NREP: variants seen among roughly 807,000 people sequenced by gnomAD.
NREP encodes neuronal regeneration-related protein.
In NREP, 5 loss-of-function variants were observed where a neutral mutation model predicts 8.6. That is an observed-to-expected ratio of 0.58 (90% CI 0.30 to 1.22). The LOEUF (loss-of-function observed/expected upper bound fraction) is 1.22, where lower values mean the gene tolerates loss of function less well. Among genes scored for constraint, NREP ranks in the 50% most tolerant of loss-of-function variants. The pLI, the probability that NREP is intolerant of heterozygous loss-of-function variation, is 0.07. For synonymous variants in NREP, 27 were observed against 28.0 expected (o/e 0.96, Z 0.11); for missense variants, 86 against 82.5 (o/e 1.04, Z -0.17).
At chr5:111,947,030 G>A (rs1434993090) in intron 2 of NREP, among the ~76,000 whole-genome samples, 2 of 151,936 alleles carry the variant, frequency 1.3e-5, no homozygotes, top group Non-Finnish European at 2.9e-5. Flanking sequence ...AACTCTCCTA[G>A]GACAATGGCT....
chr5:111,873,320 A>G (rs1327887257), intron 2 of NREP, among the ~76,000 whole-genome samples: 3 of 152,202 alleles, frequency 2.0e-5, no homozygotes, highest in Non-Finnish European at 4.4e-5. Flanking sequence ...AAACTTATGG[A>G]CTGAAAACCA....
intron 2 of NREP, among the ~76,000 whole-genome samples, chr5:111,873,105 T>C (rs1300348062): frequency 6.6e-6 from 1 of 152,200 alleles, no homozygotes; most frequent in African/African-American, 2.4e-5. Flanking sequence ...TCAATTGCTG[T>C]TGTGAAAATT....
intron 2 of NREP, among the ~76,000 whole-genome samples, chr5:111,850,313 T>G (rs1753277781): frequency 6.6e-6 from 1 of 152,162 alleles, no homozygotes; most frequent in Admixed American, 6.6e-5. Flanking sequence ...ACTTCCTGCT[T>G]TGGACTCATG....
intron 2 of NREP, among the ~76,000 whole-genome samples, chr5:111,958,277 CATAA>C (rs1339963709): frequency 2.0e-5 from 3 of 151,524 alleles, no homozygotes; most frequent in Non-Finnish European, 3.0e-5. Flanking sequence ...TTCTAATTTA[CATAA>C]ATAAAGCTAA....
intron 2 of NREP, among the ~76,000 whole-genome samples, chr5:111,840,705 A>G (rs4596433): frequency 0.34 from 52,130 of 151,960 alleles, 9,485 homozygotes; most frequent in East Asian, 0.62. Flanking sequence ...ATAAACTGCT[A>G]CTATAAATAC....
intron 2 of NREP, among the ~76,000 whole-genome samples, chr5:111,742,611 T>G (rs1749752420): frequency 1.3e-5 from 2 of 151,940 alleles, no homozygotes; most frequent in Non-Finnish European, 2.9e-5. Flanking sequence ...CCACAAAAGG[T>G]TAACAGAATT....
At chr5:111,845,577 T>C (rs1753143107) in intron 2 of NREP, among the ~76,000 whole-genome samples, 1 of 152,196 alleles carries the variant, frequency 6.6e-6, no homozygotes, top group South Asian at 2.1e-4. Context: ...TATAAATCTT[T>C]TTTGAACAGT....
At chr5:111,735,274 T>C in intron 3 of NREP, 156 bp downstream of exon 3, 1 of 507,484 alleles carries the variant, frequency 2.0e-6, no homozygotes, top group East Asian at 3.1e-5. Context: ...AGGATATTTT[T>C]TAAAAGTACA....
chr5:111,948,353 A>C (rs577539823), intron 2 of NREP, among the ~76,000 whole-genome samples: 6 of 152,248 alleles, frequency 3.9e-5, no homozygotes, highest in African/African-American at 1.4e-4. Context: ...CACTGAAATG[A>C]ATTCCCACTA....
intron 2 of NREP, among the ~76,000 whole-genome samples, chr5:111,877,857 A>G (rs1383429350): frequency 6.6e-6 from 1 of 152,148 alleles, no homozygotes; most frequent in East Asian, 1.9e-4. Flanking sequence ...TTCCCCCCTC[A>G]CCAACTAGTG....
intron 2 of NREP, among the ~76,000 whole-genome samples, chr5:111,971,990 A>C (rs558970599): frequency 4.2e-4 from 64 of 152,326 alleles, no homozygotes; most frequent in African/African-American, 1.5e-3. Flanking sequence ...TGCAAACCAT[A>C]TATTTGATAA....
chr5:111,747,765 G>GT (rs777814135), intron 2 of NREP, among the ~76,000 whole-genome samples: 7 of 152,034 alleles, frequency 4.6e-5, no homozygotes, highest in Non-Finnish European at 1.0e-4. Context: ...TTGAATATAA[G>GT]TTATATTTAT....
chr5:111,957,604 G>T (rs1421631840), intron 2 of NREP, among the ~76,000 whole-genome samples: 2 of 150,088 alleles, frequency 1.3e-5, no homozygotes, highest in Non-Finnish European at 3.0e-5. Context: ...TAGAGTACAA[G>T]AAAAGGATTT....
intron 2 of NREP, among the ~76,000 whole-genome samples, chr5:111,873,604 G>A (rs1379777776): frequency 1.3e-5 from 2 of 152,086 alleles, no homozygotes; most frequent in Non-Finnish European, 1.5e-5. Flanking sequence ...GCAATGACTG[G>A]TCAAGTCCTT....
chr5:111,813,951 G>A (rs575127597), intron 2 of NREP, among the ~76,000 whole-genome samples: 1 of 151,868 alleles, frequency 6.6e-6, no homozygotes, highest in Non-Finnish European at 1.5e-5. Context: ...ATTTACATAA[G>A]TGCTCTCACC....
intron 2 of NREP, among the ~76,000 whole-genome samples, chr5:111,914,897 A>C (rs538952048): frequency 1.3e-5 from 2 of 152,146 alleles, no homozygotes; most frequent in Non-Finnish European, 2.9e-5. Flanking sequence ...GCTTTCAGGA[A>C]GAGATTTTTC....
At chr5:111,750,189 T>C (rs1402708388) in intron 2 of NREP, among the ~76,000 whole-genome samples, 1 of 152,188 alleles carries the variant, frequency 6.6e-6, no homozygotes, top group Non-Finnish European at 1.5e-5. Context: ...AAAGGTACTA[T>C]GCTTACTCTT....
At chr5:111,945,837 C>T (rs1755963910) in intron 2 of NREP, among the ~76,000 whole-genome samples, 1 of 151,932 alleles carries the variant, frequency 6.6e-6, no homozygotes, top group African/African-American at 2.4e-5. Context: ...GGAAGGTGAT[C>T]ACCAATTTAG....
chr5:111,964,766 C>T (rs921145253), intron 2 of NREP, among the ~76,000 whole-genome samples: 1 of 142,776 alleles, frequency 7.0e-6, no homozygotes, highest in African/African-American at 2.6e-5. Context: ...CTTACATGTA[C>T]AAGAGCTTCT....
Sources: allele counts gnomAD v4.1 joint callset (sites outside exome capture counted in the v4.1 genomes callset), GRCh38; gene constraint gnomAD v4.1.1; transcripts MANE v1.5; gene names NCBI Gene and HGNC (gene_info 2026-07-23, HGNC 2026-07-21).